Variants in CBX1 observed in about 807,000 individuals in gnomAD.
The protein encoded by CBX1 is chromobox 1.
Under a neutral mutation model 25.1 loss-of-function variants are expected in CBX1, and 10 were observed. That is an observed-to-expected ratio of 0.40 (90% CI 0.25 to 0.68). The LOEUF is 0.68. Among genes scored for constraint, CBX1 ranks in the 30% least tolerant of loss-of-function variants. The pLI, the probability that CBX1 is intolerant of heterozygous loss-of-function variation, is 0.40. For synonymous variants in CBX1, 63 were observed against 79.4 expected, an observed-to-expected ratio of 0.79 and a Z score of 1.10; for missense variants, 106 against 218.5, an observed-to-expected ratio of 0.49 and a Z score of 3.25.
At chr17:48,087,956 G>A (rs1296096875) in intron 1 of CBX1, among the ~76,000 whole-genome samples, 1 of 151,672 alleles carries the variant, frequency 6.6e-6, no homozygotes, top group African/African-American at 2.4e-5. Context: ...ATGAGGAAGT[G>A]GTGTTTTTAA....
chr17:48,094,655 G>A (rs901210268), intron 1 of CBX1, among the ~76,000 whole-genome samples: 5 of 148,830 alleles, frequency 3.4e-5, no homozygotes, highest in East Asian at 2.0e-4. Flanking sequence ...GCTTGAATCC[G>A]GAAAACGGGG....
intron 1 of CBX1, among the ~76,000 whole-genome samples, chr17:48,077,433 G>GTTTGTTTTTTTTTTTTTTTTTTTT (rs1567764327): frequency 7.8e-6 from 1 of 128,840 alleles, no homozygotes; most frequent in African/African-American, 3.0e-5. Flanking sequence ...AATTTTTGTT[G>GTTTGTTTTTTTTTTTTTTTTTTTT]TTTTTTTTTT....
intron 1 of CBX1, among the ~76,000 whole-genome samples, chr17:48,094,850 C>T (rs938499462): frequency 1.3e-5 from 2 of 151,858 alleles, no homozygotes; most frequent in African/African-American, 2.4e-5. Context: ...AGTTCAAGAC[C>T]AGCCTGGCCA....
Position 48,078,787 on chromosome 17 carries a change from CTTTTTTT to C in CBX1, c.-37-1753_-37-1747del, listed in dbSNP as rs1184844619. 3.9e-5 allele frequency among the ~76,000 whole-genome samples: 3 copies of C among 76,254 alleles called. 1 individual carries two copies. Among genetic ancestry groups the C allele is most frequent in the African/African-American group, 2.0e-4 (3 of 15,052 alleles). 50.0% of individuals were successfully genotyped at this position (76,254 alleles called of 152,430 possible). A position where few individuals can be genotyped will look rare whatever the true frequency, so the allele number is the denominator to read the frequency against. On this transcript the variant is annotated intron_variant, in intron 1 of 4. Transcript: ENST00000225603. ...ACAAGCGTGAGCCACCGTGCCTGGACTTTTTTTTTTTTTTTTTTTTTTGAGACGGAGT... is the reference window on the plus strand; with the variant it reads ...ACAAGCGTGAGCCACCGTGCCTGGACTTTTTTTTTTTTTTTGAGACGGAGT...
At chr17:48,074,815 C>G (rs2144428960) in intron 4 of CBX1, 191 bp downstream of exon 4, 1 of 544,018 alleles carries the variant, frequency 1.8e-6, no homozygotes, top group East Asian at 2.8e-5. Flanking sequence ...CCCAAGATTC[C>G]TAAGGGCTCC....
At chr17:48,086,927 C>T (rs2063315076) in intron 1 of CBX1, among the ~76,000 whole-genome samples, 2 of 152,050 alleles carry the variant, frequency 1.3e-5, no homozygotes, top group African/African-American at 4.8e-5. Context: ...CGGTGGCTCA[C>T]GCCTGTAATT....
Position 48,070,751 on chromosome 17 carries a change from C to G in CBX1, c.*684G>C, listed in dbSNP as rs2037617578. On this transcript the variant is annotated 3_prime_UTR_variant, in exon 5 of 5. Coordinates refer to ENST00000225603, the MANE Select transcript of CBX1 (RefSeq NM_001127228.2). ...GAACAGGCTTAGTCCTTTGTGGGAA[C>G]AGCAATAAGTTTAGGCAGGGAACAC... 1 of 152,618 alleles carries G rather than the reference C, an allele frequency of 6.6e-6. No homozygotes were observed. The highest frequency in any genetic ancestry group is 6.5e-5 in the Admixed American group (1 of 15,288). 9.5% of individuals were successfully genotyped at this position (152,618 alleles called of 1,614,324 possible).
At position 48,070,629 on chromosome 17, in the gene CBX1, T is replaced by C. The variant is rs1385336200; in HGVS notation, c.*806A>G. On this transcript the variant is annotated 3_prime_UTR_variant, in exon 5 of 5. Coordinates refer to ENST00000225603, the MANE Select transcript of CBX1 (RefSeq NM_001127228.2). Reference sequence around the variant, plus strand: ...TTCTAATTTCGGGAATTAGCACCTCTAAGGCAGAATGATCTGCTTGTACTG... The same window carrying C: ...TTCTAATTTCGGGAATTAGCACCTCCAAGGCAGAATGATCTGCTTGTACTG... 1.3e-5 allele frequency: 2 copies of C among 152,656 alleles called. No individual in the cohort carries two copies. The highest frequency in any genetic ancestry group is 2.9e-5 in the Non-Finnish European group (2 of 68,044). 9.5% of individuals were successfully genotyped at this position (152,656 alleles called of 1,614,324 possible).
chr17:48,100,764 C>T (rs1017182322), intron 1 of CBX1: 8 of 985,450 alleles, frequency 8.1e-6, no homozygotes, highest in Non-Finnish European at 9.6e-6. Context: ...CCTTGTGCGG[C>T]CCTGGGCCCT....
intron 1 of CBX1, 156 bp downstream of exon 1, chr17:48,101,112 G>C: frequency 1.0e-5 from 10 of 986,532 alleles, no homozygotes; most frequent in Non-Finnish European, 1.2e-5. Flanking sequence ...CAGGCGAAGA[G>C]CTCAGCGCGG....
At chr17:48,100,760 G>A (rs985692495) in intron 1 of CBX1, 2 of 985,044 alleles carry the variant, frequency 2.0e-6, no homozygotes, top group Admixed American at 6.2e-5. Context: ...CACACCTTGT[G>A]CGGCCCTGGG....
rs554735262 is a variant in CBX1, at chr17:48,084,507, C to T, written c.-37-7466G>A. Among the ~76,000 whole-genome samples, 8 of 149,572 alleles carry T rather than the reference C, an allele frequency of 5.3e-5. 1 individual carries two copies. The highest frequency in any genetic ancestry group is 2.0e-4 in the East Asian group (1 of 5,102). On this transcript the variant is annotated intron_variant, in intron 1 of 4. Coordinates refer to ENST00000225603, the MANE Select transcript of CBX1 (RefSeq NM_001127228.2). The stretch of plus-strand genomic sequence containing the variant: ...AACAGGCGTGAGCCACTGTGCCGGG[C>T]GCCAAGCTTCTGTTAAACTCCTGGC...
chr17:48,084,454 C>G (rs2037768954), intron 1 of CBX1, among the ~76,000 whole-genome samples: 1 of 147,646 alleles, frequency 6.8e-6, no homozygotes, highest in Admixed American at 6.6e-5. Flanking sequence ...CGTGATCCAC[C>G]CGCCTCAGCC....
At chr17:48,091,509 G>C (rs1567769093) in intron 1 of CBX1, among the ~76,000 whole-genome samples, 1 of 150,070 alleles carries the variant, frequency 6.7e-6, no homozygotes, top group Non-Finnish European at 1.5e-5. Flanking sequence ...CAAGTAGCTG[G>C]GATTACAGGT....
At chr17:48,090,016 GT>G (rs2063336113) in intron 1 of CBX1, among the ~76,000 whole-genome samples, 1 of 151,150 alleles carries the variant, frequency 6.6e-6, no homozygotes, top group Non-Finnish European at 1.5e-5. Context: ...CGCCTCCTGG[GT>G]TCAAGCAATT....
intron 1 of CBX1, among the ~76,000 whole-genome samples, chr17:48,088,516 G>A (rs888420515): frequency 1.3e-5 from 2 of 151,786 alleles, no homozygotes; most frequent in African/African-American, 4.8e-5. Flanking sequence ...CTATTCAGGA[G>A]GCTGAGGCAG....
intron 1 of CBX1, among the ~76,000 whole-genome samples, chr17:48,087,273 G>C (rs1269866647): frequency 6.6e-6 from 1 of 151,006 alleles, no homozygotes; most frequent in East Asian, 2.0e-4. Flanking sequence ...ATCACCTATG[G>C]AGTTTAGAAA....
chr17:48,072,796 T>G (rs1201571408), intron 4 of CBX1, among the ~76,000 whole-genome samples: 1 of 148,804 alleles, frequency 6.7e-6, no homozygotes, highest in Non-Finnish European at 1.5e-5. Context: ...AAAAAAAAGT[T>G]TTCAAAATTT....
intron 1 of CBX1, among the ~76,000 whole-genome samples, chr17:48,098,714 G>A (rs1464914889): frequency 3.9e-5 from 6 of 152,072 alleles, no homozygotes; most frequent in Non-Finnish European, 8.8e-5. Flanking sequence ...TTTTATGGGA[G>A]CCCATAAACT....
Sources: gnomAD v4.1 joint callset for allele counts (sites outside exome capture counted in the v4.1 genomes callset) on GRCh38, gnomAD v4.1.1 for gene constraint, MANE v1.5 for transcripts, NCBI Gene and HGNC (gene_info 2026-07-23, HGNC 2026-07-21) for gene names.